The following CAPZB variants were observed in gnomAD, a reference collection of about 807,000 sequenced individuals.
CAPZB encodes the protein F-actin-capping protein subunit beta.
CAPZB carries 2 observed loss-of-function variants against 38.1 expected under a neutral mutation model. The ratio of observed to expected loss-of-function variants is 0.05; its 90% CI spans 0.02 to 0.17. The LOEUF is 0.17. Ranked by LOEUF, CAPZB falls within the 10% of genes least tolerant of loss-of-function variation. CAPZB has a pLI of 1.00. For missense variants in CAPZB, 161 were observed against 334.2 expected (o/e 0.48, Z 4.04); for synonymous variants, 107 against 127.4 (o/e 0.84, Z 1.08).
At chr1:19,389,731 A>G (rs1188805918) in intron 2 of CAPZB, among the ~76,000 whole-genome samples, 1 of 152,142 alleles carries the variant, frequency 6.6e-6, no homozygotes, top group Admixed American at 6.5e-5. Context: ...TGGCCAGGCC[A>G]TGTATTTTTA....
intron 1 of CAPZB, among the ~76,000 whole-genome samples, chr1:19,482,323 T>C (rs747372661): frequency 8.5e-5 from 13 of 152,178 alleles, no homozygotes; most frequent in Non-Finnish European, 1.9e-4. Flanking sequence ...GGGATGTGAG[T>C]TGAACAATGT....
intron 6 of CAPZB, among the ~76,000 whole-genome samples, chr1:19,348,714 G>C (rs2093975690): frequency 6.7e-6 from 1 of 149,496 alleles, no homozygotes; most frequent in Non-Finnish European, 1.5e-5. Context: ...AAAGCAATGT[G>C]GTCTGGGAGA....
chr1:19,375,117 G>GCA (rs1341614998), intron 4 of CAPZB, among the ~76,000 whole-genome samples: 3 of 152,184 alleles, frequency 2.0e-5, no homozygotes, highest in Non-Finnish European at 4.4e-5. Context: ...GCCTCGCGGG[G>GCA]CACTCTGGGA....
intron 2 of CAPZB, among the ~76,000 whole-genome samples, chr1:19,413,391 T>G (rs2094365697): frequency 6.6e-6 from 1 of 152,104 alleles, no homozygotes; most frequent in South Asian, 2.1e-4. Flanking sequence ...TGGAGTGTAG[T>G]GGGGTGATCA....
At chr1:19,467,433 G>C (rs1035627354) in intron 1 of CAPZB, among the ~76,000 whole-genome samples, 6 of 152,190 alleles carry the variant, frequency 3.9e-5, no homozygotes, top group South Asian at 2.1e-4. Context: ...CCCCACAGCA[G>C]AGGACACGGA....
chr1:19,374,980 G>A (rs986673956), intron 4 of CAPZB, among the ~76,000 whole-genome samples: 7 of 152,128 alleles, frequency 4.6e-5, no homozygotes, highest in African/African-American at 1.2e-4. Flanking sequence ...CTAGAAAACC[G>A]AGTGTGACCC....
At chr1:19,408,212 G>A (rs1472580802) in intron 2 of CAPZB, among the ~76,000 whole-genome samples, 1 of 152,258 alleles carries the variant, frequency 6.6e-6, no homozygotes, top group African/African-American at 2.4e-5. Context: ...TCAGGGCACA[G>A]CCTCTAGGCT....
At chr1:19,353,353 A>G (rs2094002189) in intron 6 of CAPZB, among the ~76,000 whole-genome samples, 1 of 152,136 alleles carries the variant, frequency 6.6e-6, no homozygotes, top group Non-Finnish European at 1.5e-5. Flanking sequence ...AGGTTGCTGT[A>G]AGGACTGTGT....
intron 1 of CAPZB, among the ~76,000 whole-genome samples, chr1:19,446,104 C>A (rs72653944): frequency 6.6e-6 from 1 of 152,056 alleles, no homozygotes; most frequent in African/African-American, 2.4e-5. Context: ...CCAGTCTACA[C>A]GGGAGGCAGG....
intron 1 of CAPZB, among the ~76,000 whole-genome samples, chr1:19,461,864 G>C (rs2094552925): frequency 6.6e-6 from 1 of 152,172 alleles, no homozygotes; most frequent in South Asian, 2.1e-4. Flanking sequence ...CTAGCTCACT[G>C]GGGTGAATGA....
At chr1:19,459,541 T>C (rs747163158) in intron 1 of CAPZB, among the ~76,000 whole-genome samples, 111 of 152,290 alleles carry the variant, frequency 7.3e-4, no homozygotes, top group Non-Finnish European at 1.4e-3. Flanking sequence ...GTAGAATTTC[T>C]TCATCCAAAA....
chr1:19,385,309 TTGGAATAACAGA>T (rs754286452), intron 3 of CAPZB, among the ~76,000 whole-genome samples, 184 bp downstream of exon 3: 7 of 151,958 alleles, frequency 4.6e-5, no homozygotes, highest in Non-Finnish European at 1.0e-4. Flanking sequence ...TGCTGCATGA[TTGGAATAACAGA>T]TGGAACGATG....
chr1:19,485,502 C>A lies in CAPZB; in HGVS notation c.-64G>T. On this transcript the variant is annotated 5_prime_UTR_variant, in exon 1 of 9. Transcript: ENST00000264202. ...TGGCTCTCCCCCCCGCAGCAGGGCC[C>A]GGCGCTTCCACTTCCCCGGGTGCCC... The A allele has an allele frequency of 8.2e-7, 1 of 1,220,866 alleles. No homozygotes were observed. Among genetic ancestry groups the A allele is most frequent in the Admixed American group, 4.2e-5 (1 of 23,540 alleles). The allele number at this position is 1,220,866 out of a possible 1,614,324, so 75.6% of individuals were successfully genotyped here.
rs530827152 is a variant in CAPZB, at chr1:19,390,263, A to G, written c.94-4637T>C. Among the ~76,000 whole-genome samples, 14 of 152,352 alleles carry G rather than the reference A, an allele frequency of 9.2e-5. No homozygotes were observed. In the East Asian group the frequency reaches 2.7e-3, roughly 29 times the overall value. On this transcript the variant is annotated intron_variant, in intron 2 of 8. Transcript: ENST00000264202. ...TTTGTACAGTGATTTAAATGAAACGACAGGTCCAAACAAAGCCGAGAGTTC... is the reference window on the plus strand; with the variant it reads ...TTTGTACAGTGATTTAAATGAAACGGCAGGTCCAAACAAAGCCGAGAGTTC...
At chr1:19,353,880 G>A (rs1017980405) in intron 6 of CAPZB, among the ~76,000 whole-genome samples, 1 of 152,222 alleles carries the variant, frequency 6.6e-6, no homozygotes, top group Non-Finnish European at 1.5e-5. Flanking sequence ...GCTCTGCAGG[G>A]TTGATCCTGC....
intron 1 of CAPZB, among the ~76,000 whole-genome samples, chr1:19,445,432 G>A (rs952039908): frequency 2.6e-5 from 4 of 151,174 alleles, no homozygotes; most frequent in African/African-American, 4.9e-5. Flanking sequence ...CACTTTCCCC[G>A]CTTTGCCCTT....
chr1:19,468,240 T>C (rs552369145), intron 1 of CAPZB, among the ~76,000 whole-genome samples: 1 of 152,348 alleles, frequency 6.6e-6, no homozygotes, highest in African/African-American at 2.4e-5. Context: ...CTTCCCTCTT[T>C]TCTATATTTT....
intron 2 of CAPZB, among the ~76,000 whole-genome samples, chr1:19,409,941 G>GAGAA (rs2094350269): frequency 6.6e-6 from 1 of 152,230 alleles, no homozygotes; most frequent in South Asian, 2.1e-4. Flanking sequence ...TTCAGTCCAT[G>GAGAA]AGAAATACGC....
chr1:19,447,099 G>A (rs2094498564), intron 1 of CAPZB, among the ~76,000 whole-genome samples: 1 of 152,100 alleles, frequency 6.6e-6, no homozygotes, highest in East Asian at 1.9e-4. Context: ...GTGGCCCCCA[G>A]GAGGTGTGCC....
Sources: gnomAD v4.1 joint callset for allele counts (sites outside exome capture counted in the v4.1 genomes callset) on GRCh38, gnomAD v4.1.1 for gene constraint, MANE v1.5 for transcripts, NCBI Gene and HGNC (gene_info 2026-07-23, HGNC 2026-07-21) for gene names.